The following REL variants were observed in gnomAD, a reference collection of about 807,000 sequenced individuals.
REL encodes proto-oncogene c-Rel.
A neutral mutation model predicts 45.9 loss-of-function variants in REL; 15 were observed. The observed-to-expected ratio is 0.33, with a 90% CI of 0.22 to 0.50. REL has a LOEUF of 0.50. REL is among the 20% of genes least tolerant of loss of function. The pLI is 0.98. For synonymous variants in REL, 239 were observed against 242.1 expected (o/e 0.99, Z 0.12); for missense variants, 601 against 715.2 (o/e 0.84, Z 1.82).
intron 7 of REL, 134 bp downstream of exon 7, chr2:60,918,740 G>T: frequency 2.9e-6 from 2 of 679,222 alleles, no homozygotes; most frequent in South Asian, 2.0e-5. Flanking sequence ...GCTTTCTGTT[G>T]GTTTTTTCTT....
In REL at chr2:60,918,210, A is replaced by G. The variant is rs1363040255; in HGVS notation, c.555A>G (p.Glu185=). The part of the protein sequence containing the change: ...IYDNRAPNTA[E]LRICRVNKNC... ...ATTTAGGTGCTCCAAATACTGCAGA[A>G]TTAAGGATTTGTCGTGTAAACAAGA... Residue 185 remains glutamate, a synonymous_variant, in exon 6 of 10, where the codon GAA becomes GAG. Transcript: ENST00000394479. 1.2e-6 allele frequency: 2 copies of G among 1,604,168 alleles called. No homozygotes were observed. The highest frequency in any genetic ancestry group is 2.2e-5 in the South Asian group (2 of 89,564).
intron 1 of REL, among the ~76,000 whole-genome samples, chr2:60,891,255 C>T (rs34229938): frequency 0.014 from 2,152 of 152,202 alleles, 49 homozygotes; most frequent in Middle Eastern, 0.017. Context: ...TAAAATCAAG[C>T]AGTTAAATAT....
In REL at chr2:60,923,955, TC is replaced by T. The variant is rs1401302048; in HGVS notation, c.*1423del. The T allele has an allele frequency of 4.3e-6, 1 of 233,012 alleles. No individual in the cohort carries two copies. Among genetic ancestry groups the T allele is most frequent in the African/African-American group, 2.2e-5 (1 of 45,340 alleles). 14.4% of individuals were successfully genotyped at this position (233,012 alleles called of 1,614,324 possible). A position where few individuals can be genotyped will look rare whatever the true frequency, so the allele number is the denominator to read the frequency against. ...GTCCTTAAAAGTTGCAGGCCTAGAC[TC>T]CCTGTCCTACCTCAGGTACCACCAT... On this transcript the variant is annotated 3_prime_UTR_variant, in exon 10 of 10. Coordinates refer to ENST00000394479, the MANE Select transcript of REL (RefSeq NM_001291746.2).
chr2:60,896,499 A>T (rs963425514), intron 3 of REL, among the ~76,000 whole-genome samples: 4 of 152,078 alleles, frequency 2.6e-5, no homozygotes, highest in Non-Finnish European at 4.4e-5. Context: ...ATGAACATGT[A>T]TTGGCTTTTG....
At chr2:60,892,158 C>G (rs1008182211) in intron 2 of REL, among the ~76,000 whole-genome samples, 1 of 152,094 alleles carries the variant, frequency 6.6e-6, no homozygotes, top group Non-Finnish European at 1.5e-5. Flanking sequence ...AAGGAAAACC[C>G]ATTCTCTGCA....
rs1238179424 is a variant in REL, at chr2:60,921,988, C to A, written c.1217C>A (p.Ser406Tyr). Residue 406 changes from serine to tyrosine, a missense_variant, in exon 10 of 10, where the codon TCT (serine) becomes TAT (tyrosine). Physicochemically the swap from Ser to Tyr is moderately radical, Grantham distance 144 (BLOSUM62 -2). This residue lies in a region of REL where 334 missense variants were observed against 333.1 expected (regional missense o/e 1.00). Coordinates refer to ENST00000394479, the MANE Select transcript of REL (RefSeq NM_001291746.2). ...AGTTTTTCAACAAGGACACTTCCTT[C>A]TAATTCGCAAGGTATCCCACCATTC... ...LSSFSTRTLP[S>Y]NSQGIPPFLR... 2 of 1,614,074 alleles carry A rather than the reference C, an allele frequency of 1.2e-6. No individual in the cohort carries two copies. Among genetic ancestry groups the A allele is most frequent in the East Asian group, 4.5e-5 (2 of 44,892 alleles).
intron 1 of REL, among the ~76,000 whole-genome samples, chr2:60,887,889 C>T (rs1673108411): frequency 6.6e-6 from 1 of 150,908 alleles, no homozygotes; most frequent in African/African-American, 2.4e-5. Context: ...GTCATGTAAC[C>T]AATGAAGTTT....
chr2:60,904,273 G>A (rs887586287), intron 4 of REL, among the ~76,000 whole-genome samples: 77 of 151,872 alleles, frequency 5.1e-4, no homozygotes, highest in Middle Eastern at 3.4e-3. Flanking sequence ...GTGGTGGCAC[G>A]CGCCTGTAGT....
intron 1 of REL, among the ~76,000 whole-genome samples, chr2:60,882,610 G>C (rs1476598013): frequency 6.6e-6 from 1 of 152,056 alleles, no homozygotes. Flanking sequence ...GGGAGGTGGA[G>C]GTTGCAGTGA....
chr2:60,912,836 A>C (rs1327585208), intron 4 of REL, among the ~76,000 whole-genome samples: 1 of 152,132 alleles, frequency 6.6e-6, no homozygotes, highest in Non-Finnish European at 1.5e-5. Flanking sequence ...GTGGCATGTC[A>C]TATCAAGAGG....
rs1354900743 is a variant in REL, at chr2:60,894,409, T to C, written c.166T>C (p.Tyr56His). 6.4e-7 allele frequency: 1 copy of C among 1,550,942 alleles called. No individual in the cohort carries two copies. The change falls in exon 3 of 10, where the codon TAT becomes CAT. Residue 56 changes from tyrosine (Y) to histidine (H), a missense_variant. This residue lies in a region of REL where 241 missense variants were observed against 347.0 expected (regional missense o/e 0.69). Transcript: ENST00000394479. ...TYPSIQIMNY[Y>H]GKGKVRITLV... The stretch of plus-strand genomic sequence containing the variant: ...CCCCTTTTTTCAGATTATGAACTAT[T>C]ATGGAAAAGGAAAAGTGAGAATTAC...
Position 60,881,726 on chromosome 2 carries a change from CG to C in REL, c.-110del. ...AGAAGGAGGAGGCCTCTAGGGTGGT[CG>C]GGGGACTGGGGGCCCCGCCGGCAGA... is the stretch of plus-strand genomic sequence containing the variant. On this transcript the variant is annotated 5_prime_UTR_variant, in exon 1 of 10. Coordinates refer to ENST00000394479, the MANE Select transcript of REL (RefSeq NM_001291746.2). 2.3e-6 allele frequency: 2 copies of C among 856,980 alleles called. No individual in the cohort carries two copies. 53.1% of individuals were successfully genotyped at this position (856,980 alleles called of 1,614,324 possible).
chr2:60,901,493 G>C (rs1652977343), intron 4 of REL, among the ~76,000 whole-genome samples: 1 of 152,044 alleles, frequency 6.6e-6, no homozygotes, highest in Admixed American at 6.6e-5. Context: ...TTTAAGTTCT[G>C]TGTTTACTTT....
At chr2:60,887,904 T>A (rs10208155) in intron 1 of REL, among the ~76,000 whole-genome samples, 2 of 151,074 alleles carry the variant, frequency 1.3e-5, no homozygotes, top group African/African-American at 2.4e-5. Context: ...AAGTTTTGGG[T>A]TTTTTTGTTG....
intron 1 of REL, among the ~76,000 whole-genome samples, chr2:60,887,111 A>G (rs1278272878): frequency 7.2e-5 from 11 of 152,234 alleles, no homozygotes; most frequent in Admixed American, 7.2e-4. Flanking sequence ...ATAGATGACT[A>G]CATTTCAACA....
intron 1 of REL, 99 bp from the exon 2 acceptor site, chr2:60,891,584 T>C (rs1673215406): frequency 2.8e-6 from 3 of 1,066,364 alleles, no homozygotes; most frequent in Non-Finnish European, 2.6e-6. Flanking sequence ...AAAAAAATCT[T>C]TGTTTTAGTC....
Position 60,881,813 on chromosome 2 carries a change from C to G in REL, c.-28C>G. 2.0e-6 allele frequency: 3 copies of G among 1,526,538 alleles called. No homozygotes were observed. Among genetic ancestry groups the G allele is most frequent in the East Asian group, 5.3e-5 (2 of 38,022 alleles). 94.6% of individuals were successfully genotyped at this position (1,526,538 alleles called of 1,614,324 possible). Reference sequence around the variant, plus strand: ...CCTCCGGCCAGGACGCTGGGAGCTGCCTGCGGGAAGGTGCGGGGAGCGGAG... The same window carrying G: ...CCTCCGGCCAGGACGCTGGGAGCTGGCTGCGGGAAGGTGCGGGGAGCGGAG... On this transcript the variant is annotated 5_prime_UTR_variant, in exon 1 of 10. Transcript: ENST00000394479.
intron 9 of REL, among the ~76,000 whole-genome samples, chr2:60,920,856 C>T (rs918060931): frequency 7.2e-5 from 11 of 152,138 alleles, no homozygotes; most frequent in South Asian, 4.1e-4. Flanking sequence ...CAAGAAATTA[C>T]ATGTTGTTCA....
chr2:60,901,214 G>A, intron 4 of REL, 131 bp downstream of exon 4: 4 of 1,176,574 alleles, frequency 3.4e-6, no homozygotes, highest in Non-Finnish European at 2.2e-6. Flanking sequence ...GGAGTGCAAT[G>A]GCGCGATCTC....
Sources: allele counts gnomAD v4.1 joint callset (sites outside exome capture counted in the v4.1 genomes callset), GRCh38; gene constraint gnomAD v4.1.1; regional missense constraint gnomAD v4.1.1; transcripts MANE v1.5; gene names NCBI Gene and HGNC (gene_info 2026-07-23, HGNC 2026-07-21).